The following CLPTM1 variants were observed in gnomAD, a reference collection of about 807,000 sequenced individuals.
CLPTM1 encodes the protein CLPTM1 regulator of GABA type A receptor forward trafficking.
CLPTM1 carries 21 observed loss-of-function variants against 77.3 expected under a neutral mutation model. The ratio of observed to expected loss-of-function variants is 0.27; its 90% confidence interval spans 0.19 to 0.39. The LOEUF (loss-of-function observed/expected upper bound fraction) is 0.39. Among genes scored for constraint, CLPTM1 ranks in the 10% least tolerant of loss-of-function variants. The probability of loss-of-function intolerance (pLI) is 1.00; values close to 1 mark genes in which losing one functional copy is unlikely to be tolerated. For synonymous variants in CLPTM1, 373 were observed against 381.0 expected (o/e 0.98, Z 0.24); for missense variants, 642 against 921.2 (o/e 0.70, Z 3.92).
chr19:44,961,702 C>G (rs957305108), intron 1 of CLPTM1, among the ~76,000 whole-genome samples: 9 of 152,164 alleles, frequency 5.9e-5, no homozygotes, highest in Admixed American at 5.9e-4. Context: ...TCTTTCTCCC[C>G]CACCGGGCTG....
upstream of CLPTM1, chr19:44,955,346 T>A (rs1226510406): frequency 9.5e-7 from 1 of 1,049,724 alleles, no homozygotes; most frequent in African/African-American, 1.8e-5. Flanking sequence ...CGCTGCGAAG[T>A]CGGGGACGGG....
At chr19:44,955,583 G>A (rs895232521) in intron 1 of CLPTM1, 116 bp downstream of exon 1, 8 of 964,580 alleles carry the variant, frequency 8.3e-6, no homozygotes, top group East Asian at 3.6e-5. Context: ...TGGCCAGAGG[G>A]ACCTTGAATA....
At position 44,990,919 on chromosome 19, in the gene CLPTM1, G is replaced by A. The variant is rs766350533; in HGVS notation, c.1393G>A (p.Glu465Lys). The A allele has an allele frequency of 7.2e-5, 116 of 1,613,636 alleles. No individual in the cohort carries two copies. The highest frequency in any genetic ancestry group is 1.6e-4 in the Middle Eastern group (1 of 6,082). ...CTTCAAGGACAAGTCCACGTATATCGAGTCCTCGACCAAAGTGTATGATGA... is the reference window on the plus strand; with the variant it reads ...CTTCAAGGACAAGTCCACGTATATCAAGTCCTCGACCAAAGTGTATGATGA... ...LSFKDKSTYI[E>K]SSTKVYDDMA... The change falls in exon 11 of 14, where the codon GAG (glutamate) becomes AAG (lysine). Residue 465 changes from glutamate to lysine, a missense_variant. Around this residue, in one of 2 missense-constraint regions of CLPTM1, gnomAD observed 521 missense variants for 800.4 expected, o/e 0.65. Coordinates refer to ENST00000337392, the MANE Select transcript of CLPTM1 (RefSeq NM_001294.4). This position sits in a 1 kb window ranked among gnomAD's most constrained non-coding sequence, Gnocchi z 4.8.
At chr19:44,976,795 A>G (rs1970812395) in intron 4 of CLPTM1, among the ~76,000 whole-genome samples, 1 of 152,194 alleles carries the variant, frequency 6.6e-6, no homozygotes, top group Non-Finnish European at 1.5e-5. Context: ...CGTACTTGCC[A>G]CACACTATGT....
At position 44,977,473 on chromosome 19, in the gene CLPTM1, C is replaced by T. The variant is rs1394440011; in HGVS notation, c.586+13C>T. ...CACATGTCCCGGAGTAAGTCGCTCC[C>T]CTGCAGCCAGGACCCACTGTCCAGG... On this transcript the variant is annotated intron_variant, in intron 5 of 13. Transcript: ENST00000337392. 1.3e-6 allele frequency: 2 copies of T among 1,584,686 alleles called. No individual in the cohort carries two copies. Among genetic ancestry groups the T allele is most frequent in the Admixed American group, 3.3e-5 (2 of 59,974 alleles).
At chr19:44,983,955 C>T (rs999067922) in intron 5 of CLPTM1, among the ~76,000 whole-genome samples, 17 of 152,194 alleles carry the variant, frequency 1.1e-4, no homozygotes, top group African/African-American at 3.6e-4. Context: ...GAGCGAGACT[C>T]TGTCTCCAGA....
In CLPTM1 at chr19:44,991,253, C is replaced by T; in HGVS notation, c.1435C>T (p.Leu479=). The change falls in exon 12 of 14, where the codon CTG becomes TTG. Residue 479 remains leucine (L), a synonymous_variant. Transcript: ENST00000337392. The surrounding 1 kb of genome is among the most constrained non-coding windows in gnomAD (Gnocchi z 5.4). ...KVYDDMAFRY[L]SWILFPLLGC... ...GGCCCCACAGATGGCATTCCGGTAC[C>T]TGTCCTGGATCCTCTTCCCGCTCCT... is the stretch of plus-strand genomic sequence containing the variant. The T allele has an allele frequency of 6.2e-7, 1 of 1,614,052 alleles. No homozygotes were observed. Among genetic ancestry groups the T allele is most frequent in the Non-Finnish European group, 8.5e-7 (1 of 1,179,960 alleles).
At chr19:44,968,606 C>T (rs1970670604) in intron 2 of CLPTM1, among the ~76,000 whole-genome samples, 1 of 149,890 alleles carries the variant, frequency 6.7e-6, no homozygotes, top group Non-Finnish European at 1.5e-5. Context: ...CTGAGAGGGT[C>T]CACAGAACTG....
chr19:44,988,204 G>A, intron 9 of CLPTM1, 31 bp downstream of exon 9: 5 of 1,515,934 alleles, frequency 3.3e-6, no homozygotes, highest in Non-Finnish European at 4.6e-6. Flanking sequence ...CTAGTGAGAG[G>A]CTGTGCAGGG....
At chr19:44,970,137 T>C (rs1180244436) in intron 2 of CLPTM1, among the ~76,000 whole-genome samples, 1 of 147,770 alleles carries the variant, frequency 6.8e-6, no homozygotes, top group Non-Finnish European at 1.5e-5. Context: ...ACAGAGAGGA[T>C]TGCCTTTGCT....
Position 44,991,999 on chromosome 19 carries a change from C to T in CLPTM1, c.1556-234C>T, listed in dbSNP as rs920717583. Among the ~76,000 whole-genome samples, 1 of 152,114 alleles carries T rather than the reference C, an allele frequency of 6.6e-6. No homozygotes were observed. The highest frequency in any genetic ancestry group is 1.5e-5 in the Non-Finnish European group (1 of 68,020). On this transcript the variant is annotated intron_variant, in intron 12 of 13. Coordinates refer to ENST00000337392, the MANE Select transcript of CLPTM1 (RefSeq NM_001294.4). This position sits in a 1 kb window ranked among gnomAD's most constrained non-coding sequence, Gnocchi z 5.4. The stretch of plus-strand genomic sequence containing the variant: ...CACATTAATAGGGGTCCGGGGGCCC[C>T]TCTGAGGACAGGACATTTAAACAGA...
At chr19:44,974,263 ATGG>A (rs1232161116) in intron 3 of CLPTM1, among the ~76,000 whole-genome samples, 173 bp from the exon 4 acceptor site, 2 of 152,124 alleles carry the variant, frequency 1.3e-5, no homozygotes, top group Non-Finnish European at 2.9e-5. Context: ...CAGGACAAAC[ATGG>A]TGGTATGAGA....
In CLPTM1 at chr19:44,981,743, CCT is replaced by C. The variant is rs1301017802; in HGVS notation, c.587-3474_587-3473del. 2.0e-5 allele frequency among the ~76,000 whole-genome samples: 3 copies of C among 150,950 alleles called. No homozygotes were observed. In the East Asian group the frequency reaches 6.0e-4, roughly 30 times the overall value. On this transcript the variant is annotated intron_variant, in intron 5 of 13. Transcript: ENST00000337392. ...GCCTGGGCAACATGGCAAAACCCCC[CCT>C]AATAAAAATACAAAAATTAGCCAGG...
At chr19:44,966,592 GC>G (rs1176330158) in intron 2 of CLPTM1, among the ~76,000 whole-genome samples, 1 of 152,098 alleles carries the variant, frequency 6.6e-6, no homozygotes, top group Non-Finnish European at 1.5e-5. Flanking sequence ...TGACATCTCA[GC>G]CCTGCCACCT....
chr19:44,981,643 T>G (rs1224357056), intron 5 of CLPTM1, among the ~76,000 whole-genome samples: 2 of 150,954 alleles, frequency 1.3e-5, no homozygotes, highest in Non-Finnish European at 2.9e-5. Flanking sequence ...AGGGCCGTGA[T>G]GGCTCACACC....
At position 44,980,499 on chromosome 19, in the gene CLPTM1, A is replaced by C. The variant is rs1970877103; in HGVS notation, c.586+3039A>C. On this transcript the variant is annotated intron_variant, in intron 5 of 13. Coordinates refer to ENST00000337392, the MANE Select transcript of CLPTM1 (RefSeq NM_001294.4). The stretch of plus-strand genomic sequence containing the variant: ...ACTCTAGCCTGGGCGACAGAGCAAG[A>C]CTCCATCTCAAAAAAAAAAAAAAAA... Among the ~76,000 whole-genome samples, 14 of 123,752 alleles carry C rather than the reference A, an allele frequency of 1.1e-4. No individual in the cohort carries two copies. The South Asian group carries it at 3.9e-3, about 35-fold the overall frequency. 81.2% of individuals were successfully genotyped at this position (123,752 alleles called of 152,430 possible). A position where few individuals can be genotyped will look rare whatever the true frequency, so the allele number is the denominator to read the frequency against.
chr19:44,965,687 G>A (rs1384640100), intron 2 of CLPTM1, among the ~76,000 whole-genome samples: 3 of 152,134 alleles, frequency 2.0e-5, no homozygotes, highest in South Asian at 2.1e-4. Context: ...GGTGGCGGGC[G>A]CCTGTAGTCC....
chr19:44,958,442 G>C (rs553225147), intron 1 of CLPTM1, among the ~76,000 whole-genome samples: 7 of 151,730 alleles, frequency 4.6e-5, no homozygotes, highest in African/African-American at 1.7e-4. Context: ...CACAATCTCG[G>C]CTCACTGCAA....
chr19:44,991,453 AT>A lies in CLPTM1; in HGVS notation c.1555+81del, dbSNP rs1732540795. On this transcript the variant is annotated intron_variant, in intron 12 of 13. Coordinates refer to ENST00000337392, the MANE Select transcript of CLPTM1 (RefSeq NM_001294.4). This position sits in a 1 kb window ranked among gnomAD's most constrained non-coding sequence, Gnocchi z 5.4. ...CAGCCCCAGTGTAGGAGACAGACCC[AT>A]CCCCAGACAGGGACAACCTAGGGTG... 3.9e-6 allele frequency: 6 copies of A among 1,540,614 alleles called. No individual in the cohort carries two copies. In the South Asian group the frequency reaches 6.8e-5, roughly 18 times the overall value.
Sources: gnomAD v4.1 joint callset for allele counts (sites outside exome capture counted in the v4.1 genomes callset) on GRCh38, gnomAD v4.1.1 for gene constraint, gnomAD v4.1.1 regional missense constraint, Gnocchi (gnomAD v3.1) non-coding constraint, MANE v1.5 for transcripts, NCBI Gene and HGNC (gene_info 2026-07-23, HGNC 2026-07-21) for gene names.